ITGB2: variants seen among roughly 807,000 people sequenced by gnomAD.
The protein encoded by ITGB2 is integrin beta-2.
ITGB2 carries 56 observed loss-of-function variants against 86.8 expected under a neutral mutation model. That is an observed-to-expected ratio of 0.65 (90% CI 0.52 to 0.81). The LOEUF (loss-of-function observed/expected upper bound fraction) is 0.81. Ranked by LOEUF, ITGB2 falls within the 30% of genes least tolerant of loss-of-function variation. ITGB2 has a pLI of 0.00. For missense variants in ITGB2, 948 were observed against 1,061.2 expected (o/e 0.89, Z 1.48); for synonymous variants, 457 against 450.4 (o/e 1.01, Z -0.19).
At chr21:44,893,125 G>A (rs2083814653) in intron 10 of ITGB2, 2 of 399,360 alleles carry the variant, frequency 5.0e-6, no homozygotes, top group Admixed American at 3.6e-5. Flanking sequence ...TCTCACTGAC[G>A]TTCCTGACAT....
chr21:44,893,573 G>A (rs1175505997), intron 9 of ITGB2, 29 bp from the exon 10 acceptor site: 5 of 1,612,680 alleles, frequency 3.1e-6, no homozygotes, highest in Non-Finnish European at 8.5e-7. Context: ...TACTCTTGGG[G>A]GCGAGTGTTT....
intron 1 of ITGB2, among the ~76,000 whole-genome samples, chr21:44,919,768 C>T (rs1448450875): frequency 6.6e-6 from 1 of 152,206 alleles, no homozygotes; most frequent in Non-Finnish European, 1.5e-5. Context: ...AGGAGAGGGG[C>T]CCCGGATGGA....
chr21:44,888,966 GGT>G lies in ITGB2; in HGVS notation c.1878-73_1878-72del, dbSNP rs528540722. ...CTCCGGCAACGGGGGCTCGGGCTTG[GGT>G]GTGTGTCCACCAGGGGGGGCAGGTG... On this transcript the variant is annotated intron_variant, in intron 13 of 15. Transcript: ENST00000652462. 7.8e-5 allele frequency: 114 copies of G among 1,465,788 alleles called. 1 individual carries two copies. The highest frequency in any genetic ancestry group is 5.5e-4 in the South Asian group (47 of 85,694). The allele number at this position is 1,465,788 out of a possible 1,614,324, so 90.8% of individuals were successfully genotyped here.
chr21:44,927,865 C>T (rs1264977149), intron 1 of ITGB2: 1 of 152,292 alleles, frequency 6.6e-6, no homozygotes, highest in Non-Finnish European at 1.5e-5. Flanking sequence ...TCCATACAAA[C>T]AGGCTGACCA....
At chr21:44,899,388 G>A (rs985841508) in intron 7 of ITGB2, among the ~76,000 whole-genome samples, 1 of 152,250 alleles carries the variant, frequency 6.6e-6, no homozygotes, top group Middle Eastern at 3.2e-3. Flanking sequence ...GGCATGAGCA[G>A]CATTTGAGGC....
intron 8 of ITGB2, among the ~76,000 whole-genome samples, chr21:44,898,047 G>T (rs562395076): frequency 6.9e-6 from 1 of 144,118 alleles, no homozygotes; most frequent in African/African-American, 2.5e-5. Context: ...CATCCTACCC[G>T]ATGGGGGTGT....
At chr21:44,900,501 G>A in intron 6 of ITGB2, 26 bp from the exon 7 acceptor site, 1 of 1,612,132 alleles carries the variant, frequency 6.2e-7, no homozygotes, top group Non-Finnish European at 8.5e-7. Context: ...GGGGGGCAGG[G>A]TTACCTGCCT....
chr21:44,900,088 C>T (rs1229752374), intron 7 of ITGB2, among the ~76,000 whole-genome samples: 2 of 152,204 alleles, frequency 1.3e-5, no homozygotes, highest in Non-Finnish European at 2.9e-5. Flanking sequence ...CCTGGGTGTC[C>T]CACAAGGGCG....
chr21:44,899,137 G>A lies in ITGB2; in HGVS notation c.923C>T (p.Ala308Val), dbSNP rs370342954. Residue 308 changes from alanine (A) to valine (V), a missense_variant, in exon 8 of 16, where the codon GCG becomes GTG. Ala to Val is a moderately conservative substitution (Grantham distance 64). Coordinates refer to ENST00000652462, the MANE Select transcript of ITGB2 (RefSeq NM_000211.5). ...GATGTTGTTTTCAGCCAGCTTGTGC[G>A]CCAGCTGGCCCACCGATGGGTAGTC... The part of the protein sequence containing the change: ...EFDYPSVGQL[A>V]HKLAENNIQP... 12 of 1,613,860 alleles carry A rather than the reference G, an allele frequency of 7.4e-6. No individual in the cohort carries two copies. Among genetic ancestry groups the A allele is most frequent in the African/African-American group, 6.7e-5 (5 of 74,924 alleles).
chr21:44,909,449 C>G, intron 3 of ITGB2: 1 of 152,412 alleles, frequency 6.6e-6, no homozygotes, highest in East Asian at 1.9e-4. Flanking sequence ...AGGACTTGTC[C>G]AGATTCAAGA....
chr21:44,906,479 G>A lies in ITGB2; in HGVS notation c.328+436C>T, dbSNP rs566679112. Among the ~76,000 whole-genome samples, 235 of 152,136 alleles carry A rather than the reference G, an allele frequency of 1.5e-3. 1 individual carries two copies. Among genetic ancestry groups the A allele is most frequent in the Middle Eastern group, 3.4e-3 (1 of 294 alleles). On this transcript the variant is annotated intron_variant, in intron 4 of 15. Coordinates refer to ENST00000652462, the MANE Select transcript of ITGB2 (RefSeq NM_000211.5). ...CTGAAACAGGTGCTCTGGTCAAGTC[G>A]AAACAGGTGCTCTGGTCAAGTCAGT...
At chr21:44,894,677 C>T (rs952462333) in intron 9 of ITGB2, 2 of 450,062 alleles carry the variant, frequency 4.4e-6, no homozygotes, top group African/African-American at 4.0e-5. Context: ...GAGCTGTCCA[C>T]CTCCCTTCTC....
At chr21:44,920,551 C>T (rs1319568004) in intron 1 of ITGB2, among the ~76,000 whole-genome samples, 6 of 152,212 alleles carry the variant, frequency 3.9e-5, no homozygotes, top group Non-Finnish European at 8.8e-5. Flanking sequence ...CTGGCCTTGC[C>T]GGCCTCACAG....
chr21:44,905,703 T>C (rs114538567), intron 4 of ITGB2, among the ~76,000 whole-genome samples: 1,532 of 152,220 alleles, frequency 0.01, 29 homozygotes, highest in African/African-American at 0.035. Context: ...GGCCTGACCC[T>C]ACCACCAGGG....
chr21:44,892,350 C>A (rs369942058), intron 10 of ITGB2, among the ~76,000 whole-genome samples: 1 of 151,042 alleles, frequency 6.6e-6, no homozygotes, highest in Admixed American at 6.6e-5. Context: ...CTGGGCGCCG[C>A]GGCTCACGCC....
chr21:44,922,575 A>C (rs2084320288), upstream of ITGB2, among the ~76,000 whole-genome samples: 1 of 146,774 alleles, frequency 6.8e-6, no homozygotes, highest in South Asian at 2.4e-4. Context: ...TGGGAGGCTG[A>C]GGTGGGAGAA....
chr21:44,888,805 G>C lies in ITGB2; in HGVS notation c.1968C>G (p.Pro656=), dbSNP rs766106686. Residue 656 remains proline, a synonymous_variant, in exon 14 of 16, where the codon CCC becomes CCG. Transcript: ENST00000652462. ...TCTCCTTGCAGGTCCTGCCCTTCAC[G>C]GGGTTGTTCGACAGCTGCAGGCCCG... The part of the protein sequence containing the change: ...ACPGLQLSNN[P]VKGRTCKERD... 26 of 1,611,788 alleles carry C rather than the reference G, an allele frequency of 1.6e-5. No homozygotes were observed. Among genetic ancestry groups the C allele is most frequent in the Non-Finnish European group, 2.0e-5 (24 of 1,179,982 alleles).
At chr21:44,888,555 G>T (rs2146495328) in intron 14 of ITGB2, 138 bp downstream of exon 14, 2 of 973,452 alleles carry the variant, frequency 2.1e-6, no homozygotes, top group East Asian at 2.6e-5. Flanking sequence ...AATGCCAAGG[G>T]CATCCCGCAT....
Position 44,910,789 on chromosome 21 carries a change from T to C in ITGB2, c.-3-4A>G. 6.2e-7 allele frequency: 1 copy of C among 1,612,756 alleles called. No individual in the cohort carries two copies. On this transcript the variant is annotated splice_region_variant and splice_polypyrimidine_tract_variant and intron_variant, in intron 1 of 15. Coordinates refer to ENST00000652462, the MANE Select transcript of ITGB2 (RefSeq NM_000211.5). ...GGGGGCGCAGGCCCAGCATGTCCTG[T>C]GGAGGGAAGGGGTCTTGGTGACGGT...
Sources: gnomAD v4.1 joint callset for allele counts (sites outside exome capture counted in the v4.1 genomes callset) on GRCh38, gnomAD v4.1.1 for gene constraint, MANE v1.5 for transcripts, NCBI Gene and HGNC (gene_info 2026-07-23, HGNC 2026-07-21) for gene names.